The following GABRE variants were observed in gnomAD, a reference collection of about 807,000 sequenced individuals.
The protein encoded by GABRE is gamma-aminobutyric acid type A receptor subunit epsilon.
Under a neutral mutation model 31.0 loss-of-function variants are expected in GABRE, and 20 were observed. The observed-to-expected ratio is 0.64, with a 90% CI of 0.45 to 0.94. The LOEUF is 0.94. GABRE is among the 40% of genes least tolerant of loss of function. The pLI is 0.00. For missense variants in GABRE, 420 were observed against 410.7 expected (o/e 1.02, Z -0.20); for synonymous variants, 155 against 150.6 (o/e 1.03, Z -0.21).
chrX:151,957,513 T>C, intron 6 of GABRE: 1 of 329,705 alleles, frequency 3.0e-6, no homozygotes, highest in Admixed American at 3.1e-5. Flanking sequence ...TTCTAATTAG[T>C]TATACCCAGG....
Position 151,955,011 on chromosome X carries a change from G to C in GABRE, c.1211C>G (p.Ala404Gly), listed in dbSNP as rs760966019. The change falls in exon 9 of 9, where the codon GCT (alanine) becomes GGT (glycine). Residue 404 changes from alanine (A) to glycine (G), a missense_variant. Ala to Gly is a moderately conservative substitution (Grantham distance 60). Coordinates refer to ENST00000370328, the MANE Select transcript of GABRE (RefSeq NM_004961.4). The stretch of plus-strand genomic sequence containing the variant: ...AGTGGTGACAATCTGGCACACAAAA[G>C]CTTCCTGATGTTGGCGGGCACAGGC... ...SRACARQHQE[A>G]FVCQIVTTEG... 2.5e-6 allele frequency: 3 copies of C among 1,205,468 alleles called. No individual in the cohort carries two copies. The highest frequency in any genetic ancestry group is 1.7e-5 in the African/African-American group (1 of 57,740).
intron 6 of GABRE, chrX:151,956,805 A>G (rs1934186120): frequency 8.9e-6 from 1 of 111,992 alleles, no homozygotes; most frequent in South Asian, 3.8e-4. Context: ...GCTCTCAGCT[A>G]GACGGTCATG....
chrX:151,973,796 G>C, intron 1 of GABRE, among the ~76,000 whole-genome samples: 1 of 111,976 alleles, frequency 8.9e-6, no homozygotes, highest in Middle Eastern at 4.6e-3. Context: ...CCTGAAAGGG[G>C]AGAAGGGGAT....
intron 3 of GABRE, among the ~76,000 whole-genome samples, chrX:151,964,803 C>T (rs1367553820): frequency 8.9e-6 from 1 of 111,821 alleles, no homozygotes; most frequent in South Asian, 3.8e-4. Flanking sequence ...GGCGCCATGA[C>T]TCAAGCATGT....
intron 1 of GABRE, chrX:151,971,992 C>G: frequency 1.4e-6 from 1 of 722,956 alleles, no homozygotes; most frequent in Non-Finnish European, 1.6e-6. Flanking sequence ...AGCCACTGAG[C>G]TGTTCACTCA....
At chrX:151,957,604 T>A (rs1934215902) in intron 6 of GABRE, 1 of 266,159 alleles carries the variant, frequency 3.8e-6, no homozygotes, top group African/African-American at 2.8e-5. Context: ...CTATTTTAAT[T>A]TTATTTATTC....
rs781441328 is a variant in GABRE at position 151,962,434 on chromosome X, C to T, written c.552G>A (p.Leu184=). 1 of 1,206,114 alleles carries T rather than the reference C, an allele frequency of 8.3e-7. No homozygotes were observed. The highest frequency in any genetic ancestry group is 1.8e-5 in the African/African-American group (1 of 56,816). Residue 184 remains leucine (L), a synonymous_variant, in exon 4 of 9, where the codon TTG becomes TTA. Transcript: ENST00000370328. ...MVRIYKDGKV[L]YTIRMTIDAG... Reference sequence around the variant, plus strand: ...GAGGCTTGACATACCTAATTGTGTACAACACCTTGCCATCCTTGTAGATGC... The same window carrying T: ...GAGGCTTGACATACCTAATTGTGTATAACACCTTGCCATCCTTGTAGATGC...
intron 1 of GABRE, among the ~76,000 whole-genome samples, chrX:151,973,130 T>C (rs776095627): frequency 2.0e-4 from 22 of 111,228 alleles, no homozygotes; most frequent in African/African-American, 6.2e-4. Flanking sequence ...CACAACTAAT[T>C]TGAGGCTAAG....
At chrX:151,963,221 T>G (rs920040684) in intron 3 of GABRE, among the ~76,000 whole-genome samples, 1 of 112,269 alleles carries the variant, frequency 8.9e-6, no homozygotes, top group South Asian at 3.7e-4. Context: ...GTTACGATCT[T>G]AAATCAGAGC....
chrX:151,961,358 T>A lies in GABRE; in HGVS notation c.571A>T (p.Ile191Phe). 1.7e-6 allele frequency: 2 copies of A among 1,195,437 alleles called. No individual in the cohort carries two copies. Residue 191 changes from isoleucine (I) to phenylalanine (F), a missense_variant, in exon 5 of 9, where the codon ATT becomes TTT. Ile to Phe is a conservative substitution (Grantham distance 21). Transcript: ENST00000370328. ...GKVLYTIRMT[I>F]DAGCSLHMLR... is the part of the protein sequence containing the mutation. ...ATGTGGAGTGAGCATCCGGCATCAA[T>A]GGTCATCCTGGAAGGGAGAAAGGAG...
At chrX:151,960,915 A>C (rs1200691067) in intron 5 of GABRE, among the ~76,000 whole-genome samples, 1 of 111,936 alleles carries the variant, frequency 8.9e-6, no homozygotes, top group African/African-American at 3.3e-5. Flanking sequence ...GGAACCCAGA[A>C]GCAACACACT....
At chrX:151,972,243 T>C in intron 1 of GABRE, 1 of 753,880 alleles carries the variant, frequency 1.3e-6, no homozygotes, top group Non-Finnish European at 1.6e-6. Context: ...TTCTCATGTC[T>C]GAAGTGGCTA....
intron 1 of GABRE, 40 bp downstream of exon 1, chrX:151,974,530 T>C (rs746953151): frequency 1.2e-5 from 12 of 970,314 alleles, no homozygotes; most frequent in East Asian, 4.6e-5. Flanking sequence ...GAGAGGGAGC[T>C]GGGCGCGAAG....
intron 3 of GABRE, among the ~76,000 whole-genome samples, chrX:151,966,023 C>T (rs749611305): frequency 1.8e-5 from 2 of 112,536 alleles, no homozygotes; most frequent in Non-Finnish European, 3.8e-5. Flanking sequence ...TCCCAGGCCT[C>T]GTGAACTGCT....
At chrX:151,972,405 A>C in intron 1 of GABRE, 1 of 753,885 alleles carries the variant, frequency 1.3e-6, no homozygotes, top group Non-Finnish European at 1.6e-6. Context: ...GAGGAGGAAA[A>C]ATGGAGCCCT....
rs1299561117 is a variant in GABRE at position 151,954,795 on chromosome X, T to C, written c.1427A>G (p.His476Arg). Reference sequence around the variant, plus strand: ...CGAGTAGTTATCCAGGCGGTAGACATGGATGCAGAGGCGGCCCTGCTGCCA... The same window carrying C: ...CGAGTAGTTATCCAGGCGGTAGACACGGATGCAGAGGCGGCCCTGCTGCCA... ...STWQQGRLCI[H>R]VYRLDNYSRV... Residue 476 changes from histidine (H) to arginine (R), a missense_variant, in exon 9 of 9, where the codon CAT (histidine) becomes CGT (arginine). By Grantham distance (29) the His-to-Arg change is conservative (BLOSUM62 0). Transcript: ENST00000370328. 1 of 1,210,190 alleles carries C rather than the reference T, an allele frequency of 8.3e-7. No individual in the cohort carries two copies. Among genetic ancestry groups the C allele is most frequent in the Non-Finnish European group, 1.1e-6 (1 of 895,191 alleles).
intron 3 of GABRE, among the ~76,000 whole-genome samples, chrX:151,964,421 G>A (rs978234366): frequency 1.8e-5 from 2 of 111,532 alleles, no homozygotes; most frequent in Non-Finnish European, 3.8e-5. Context: ...TTGGCTGTAG[G>A]AGTTTTCTAT....
At chrX:151,962,930 C>T (rs968037642) in intron 3 of GABRE, among the ~76,000 whole-genome samples, 1 of 111,431 alleles carries the variant, frequency 9.0e-6, no homozygotes, top group Non-Finnish European at 1.9e-5. Flanking sequence ...GGAGCTAGGT[C>T]CTCACATCAT....
intron 1 of GABRE, chrX:151,971,301 T>C (rs1247507306): frequency 3.1e-6 from 1 of 327,031 alleles, no homozygotes; most frequent in Non-Finnish European, 5.9e-6. Context: ...ATTTGAGCAC[T>C]TCTCTGTATA....
Sources: allele counts gnomAD v4.1 joint callset (sites outside exome capture counted in the v4.1 genomes callset), GRCh38; gene constraint gnomAD v4.1.1; transcripts MANE v1.5; gene names NCBI Gene and HGNC (gene_info 2026-07-23, HGNC 2026-07-21).